TGM6: variants seen among roughly 807,000 people sequenced by gnomAD.
TGM6 encodes the protein protein-glutamine gamma-glutamyltransferase 6.
A neutral mutation model predicts 77.5 loss-of-function variants in TGM6; 74 were observed. The observed-to-expected ratio is 0.96, with a 90% CI of 0.79 to 1.16. The LOEUF is 1.16. Ranked by LOEUF, TGM6 falls within the 50% of genes most tolerant of loss-of-function variation. The probability of loss-of-function intolerance (pLI) is 0.00; values close to 1 mark genes in which losing one functional copy is unlikely to be tolerated. For missense variants in TGM6, 968 were observed against 940.2 expected, an observed-to-expected ratio of 1.03 and a Z score of -0.39; for synonymous variants, 383 against 378.9, an observed-to-expected ratio of 1.01 and a Z score of -0.12.
chr20:2,402,981 T>A (rs1460586406), intron 7 of TGM6, among the ~76,000 whole-genome samples: 1 of 152,248 alleles, frequency 6.6e-6, no homozygotes, highest in Admixed American at 6.5e-5. Context: ...AGTCTCACCT[T>A]CAATGTCATT....
At chr20:2,426,485 C>T (rs796301439) in intron 10 of TGM6, among the ~76,000 whole-genome samples, 17 of 152,242 alleles carry the variant, frequency 1.1e-4, no homozygotes, top group African/African-American at 3.9e-4. Context: ...TTTCTTCCTT[C>T]CCAATCTGTA....
Position 2,394,554 on chromosome 20 carries a change from C to T in TGM6, c.110C>T (p.Ser37Leu), listed in dbSNP as rs140181785. 115 of 1,611,972 alleles carry T rather than the reference C, an allele frequency of 7.1e-5. No individual in the cohort carries two copies. Among genetic ancestry groups the T allele is most frequent in the South Asian group, 1.9e-4 (17 of 90,932 alleles). The change falls in exon 2 of 13, where the codon TCG (serine) becomes TTG (leucine). Residue 37 changes from serine to leucine, a missense_variant. Transcript: ENST00000202625. ...GAGCTGGTGGTTCGCAGGGGCCAGT[C>T]GTTCAGCCTCACGCTGGAGCTGAGC... The part of the protein sequence containing the change: ...CPELVVRRGQ[S>L]FSLTLELSRA...
Position 2,399,758 on chromosome 20 carries a change from C to T in TGM6, c.850+20C>T, listed in dbSNP as rs369402871. On this transcript the variant is annotated intron_variant, in intron 6 of 12. Coordinates refer to ENST00000202625, the MANE Select transcript of TGM6 (RefSeq NM_198994.3). ...GCACAGGTACCCTGGGAGAGAAGGG[C>T]CCCAGGGTACCTGTGCCCCCAGCTT... 86 of 1,603,562 alleles carry T rather than the reference C, an allele frequency of 5.4e-5. No individual in the cohort carries two copies. In the East Asian group the frequency reaches 1.3e-3, roughly 25 times the overall value.
In TGM6 at chr20:2,417,258, A is replaced by G; in HGVS notation, c.1363A>G (p.Ser455Gly). The change falls in exon 10 of 13, where the codon AGC (serine) becomes GGC (glycine). Residue 455 changes from serine (S) to glycine (G), a missense_variant. Physicochemically the swap from Ser to Gly is moderately conservative, Grantham distance 56 (BLOSUM62 0). Coordinates refer to ENST00000202625, the MANE Select transcript of TGM6 (RefSeq NM_198994.3). ...EGSRKERQVY[S>G]KAVNRLFGVE... ...GTCCCGGAAAGAGAGGCAGGTGTACAGCAAGGCGGTGAACAGGCTGTTCGG... is the reference window on the plus strand; with the variant it reads ...GTCCCGGAAAGAGAGGCAGGTGTACGGCAAGGCGGTGAACAGGCTGTTCGG... The G allele has an allele frequency of 6.2e-7, 1 of 1,606,354 alleles. No homozygotes were observed. The highest frequency in any genetic ancestry group is 8.5e-7 in the Non-Finnish European group (1 of 1,176,878).
intron 1 of TGM6, among the ~76,000 whole-genome samples, chr20:2,385,161 T>C (rs776324071): frequency 1.3e-3 from 205 of 152,234 alleles, no homozygotes; most frequent in Non-Finnish European, 2.3e-3. Flanking sequence ...AGATGGTCTC[T>C]GAGATTTGAG....
intron 3 of TGM6, 119 bp downstream of exon 3, chr20:2,395,555 G>A: frequency 6.4e-7 from 1 of 1,571,940 alleles, no homozygotes; most frequent in South Asian, 1.1e-5. Flanking sequence ...GCCAAGAGCT[G>A]GGCAAGAACT....
chr20:2,405,588 C>T (rs2084744740), intron 9 of TGM6, among the ~76,000 whole-genome samples: 1 of 152,194 alleles, frequency 6.6e-6, no homozygotes, highest in East Asian at 1.9e-4. Context: ...GCCCTAGTTT[C>T]CTATCTATGC....
intron 1 of TGM6, among the ~76,000 whole-genome samples, chr20:2,387,347 G>A (rs6048570): frequency 0.034 from 5,152 of 152,212 alleles, 287 homozygotes; most frequent in African/African-American, 0.12. Context: ...AATTGGCAAG[G>A]GTAATGGAAA....
At chr20:2,412,067 G>A (rs2084787818) in intron 9 of TGM6, among the ~76,000 whole-genome samples, 1 of 151,848 alleles carries the variant, frequency 6.6e-6, no homozygotes, top group Non-Finnish European at 1.5e-5. Flanking sequence ...ATGGCCAAAA[G>A]GTGAAAGCAA....
chr20:2,387,271 G>A (rs958165971), intron 1 of TGM6, among the ~76,000 whole-genome samples: 1 of 152,196 alleles, frequency 6.6e-6, no homozygotes, highest in Non-Finnish European at 1.5e-5. Context: ...TCAGAGGTTT[G>A]TGCCTGCCCT....
chr20:2,408,665 T>A, intron 9 of TGM6, among the ~76,000 whole-genome samples: 1 of 152,202 alleles, frequency 6.6e-6, no homozygotes, highest in Admixed American at 6.5e-5. Context: ...AAGAAGGGCC[T>A]TGTTTTGTTG....
At chr20:2,393,990 A>G (rs2084645045) in intron 1 of TGM6, among the ~76,000 whole-genome samples, 1 of 152,166 alleles carries the variant, frequency 6.6e-6, no homozygotes, top group African/African-American at 2.4e-5. Context: ...GTGATTTTAC[A>G]GAACTTAATG....
chr20:2,424,861 C>A (rs578071048), intron 10 of TGM6, among the ~76,000 whole-genome samples: 1 of 152,172 alleles, frequency 6.6e-6, no homozygotes, highest in South Asian at 2.1e-4. Context: ...TATTAATTGG[C>A]CTAATTTCAA....
chr20:2,402,289 A>G (rs1354142699), intron 7 of TGM6, among the ~76,000 whole-genome samples: 2 of 152,150 alleles, frequency 1.3e-5, no homozygotes, highest in African/African-American at 2.4e-5. Context: ...TAGGAGAGAC[A>G]GTGAAGAAAA....
At chr20:2,384,546 A>G (rs1313220698) in intron 1 of TGM6, among the ~76,000 whole-genome samples, 1 of 152,122 alleles carries the variant, frequency 6.6e-6, no homozygotes, top group African/African-American at 2.4e-5. Flanking sequence ...TAAATACTCT[A>G]TGTGAATTAT....
At chr20:2,387,084 C>T (rs1290904155) in intron 1 of TGM6, among the ~76,000 whole-genome samples, 1 of 152,214 alleles carries the variant, frequency 6.6e-6, no homozygotes, top group African/African-American at 2.4e-5. Context: ...CCTTTCTTCC[C>T]ATTTCTGGGT....
chr20:2,412,214 G>A (rs753929434), intron 9 of TGM6, among the ~76,000 whole-genome samples: 13 of 152,306 alleles, frequency 8.5e-5, no homozygotes, highest in South Asian at 6.2e-4. Context: ...ATTATGCTAA[G>A]TGAAATAAGC....
chr20:2,388,580 T>C (rs1161610713), intron 1 of TGM6, among the ~76,000 whole-genome samples: 1 of 149,776 alleles, frequency 6.7e-6, no homozygotes, highest in African/African-American at 2.5e-5. Context: ...GAGACCAGCC[T>C]GGTCAACATA....
At chr20:2,391,751 T>G (rs1444674266) in intron 1 of TGM6, among the ~76,000 whole-genome samples, 1 of 152,202 alleles carries the variant, frequency 6.6e-6, no homozygotes, top group African/African-American at 2.4e-5. Flanking sequence ...TCTGATTACA[T>G]CACAGCTTTG....
Sources: allele counts gnomAD v4.1 joint callset (sites outside exome capture counted in the v4.1 genomes callset), GRCh38; gene constraint gnomAD v4.1.1; transcripts MANE v1.5; gene names NCBI Gene and HGNC (gene_info 2026-07-23, HGNC 2026-07-21).